Variants in SZT2 observed in about 807,000 individuals in gnomAD.
The protein encoded by SZT2 is KICSTOR complex protein SZT2.
Under a neutral mutation model 404.2 loss-of-function variants are expected in SZT2, and 216 were observed. That is an observed-to-expected ratio of 0.53 (90% CI 0.48 to 0.60). SZT2 has a LOEUF of 0.60. Ranked by LOEUF, SZT2 falls within the 20% of genes least tolerant of loss-of-function variation. SZT2 has a pLI of 0.00. For synonymous variants in SZT2, 1,693 were observed against 1,749.9 expected (o/e 0.97, Z 0.81); for missense variants, 3,857 against 4,459.2 (o/e 0.86, Z 3.85).
chr1:43,431,269 A>T lies in SZT2; in HGVS notation c.4921A>T (p.Thr1641Ser), dbSNP rs528738374. 1 of 1,609,244 alleles carries T rather than the reference A, an allele frequency of 6.2e-7. No homozygotes were observed. Among genetic ancestry groups the T allele is most frequent in the Non-Finnish European group, 8.5e-7 (1 of 1,177,444 alleles). The stretch of plus-strand genomic sequence containing the variant: ...ACTTGTTCCCACCCTGTTCAGGTCA[A>T]CATCTGAAAGCAGTGCTTCATTTCC... ...TASDPQHHRS[T>S]SESSASFPRS... is the part of the protein sequence containing the mutation. The change falls in exon 34 of 72, where the codon ACA (threonine) becomes TCA (serine). Residue 1641 changes from threonine (T) to serine (S), a missense_variant. Physicochemically the swap from Thr to Ser is moderately conservative, Grantham distance 58. Transcript: ENST00000634258.
chr1:43,452,641 C>G lies in SZT2; in HGVS notation c.*2161C>G. On this transcript the variant is annotated 3_prime_UTR_variant, in exon 72 of 72. Coordinates refer to ENST00000634258, the MANE Select transcript of SZT2 (RefSeq NM_001365999.1). The stretch of plus-strand genomic sequence containing the variant: ...AAAATTGTCCTGACCTTTGCTTGCC[C>G]TTCTCAGGTATTCCATGCTGCTGTC... The G allele has an allele frequency of 1.7e-6, 1 of 597,936 alleles. No individual in the cohort carries two copies. The highest frequency in any genetic ancestry group is 3.0e-6 in the Non-Finnish European group (1 of 335,398). The allele number at this position is 597,936 out of a possible 1,614,324, so 37.0% of individuals were successfully genotyped here.
intron 1 of SZT2, among the ~76,000 whole-genome samples, chr1:43,399,465 A>AATT (rs1649403371): frequency 7.0e-6 from 1 of 143,874 alleles, no homozygotes; most frequent in East Asian, 2.0e-4. Flanking sequence ...AGCCAGAGGG[A>AATT]ATTTTTTTTT....
rs538009625 is a variant in SZT2 at position 43,445,838 on chromosome 1, C to T, written c.8826-56C>T. 2.3e-4 allele frequency: 349 copies of T among 1,530,706 alleles called. 4 individuals are homozygous for T. The South Asian group carries it at 3.4e-3, about 15-fold the overall frequency. 94.8% of individuals were successfully genotyped at this position (1,530,706 alleles called of 1,614,324 possible). ...TAAAACAGATTCTGGGTCTGATCAC[C>T]ATGACTGCATGCCACTAGCCTGCCT... On this transcript the variant is annotated intron_variant, in intron 62 of 71. Transcript: ENST00000634258.
rs1570618806 is a variant in SZT2, at chr1:43,419,872, G to A, written c.1018G>A (p.Val340Ile). 6.3e-7 allele frequency: 1 copy of A among 1,598,466 alleles called. No individual in the cohort carries two copies. The highest frequency in any genetic ancestry group is 1.7e-5 in the Admixed American group (1 of 60,014). Residue 340 changes from valine (V) to isoleucine (I), a missense_variant, in exon 8 of 72, where the codon GTC becomes ATC. This residue lies in a region of SZT2 where 536 missense variants were observed against 637.4 expected (regional missense o/e 0.84). Coordinates refer to ENST00000634258, the MANE Select transcript of SZT2 (RefSeq NM_001365999.1). ...GGAGCCAGGCAACCTGGGTCTGACTGTCTACCACCGGGCATTTCTCCTCTA... is the reference window on the plus strand; with the variant it reads ...GGAGCCAGGCAACCTGGGTCTGACTATCTACCACCGGGCATTTCTCCTCTA... ...EPEPGNLGLT[V>I]YHRAFLLYSF... is the part of the protein sequence containing the mutation.
rs1176539518 is a variant in SZT2 at position 43,452,159 on chromosome 1, C to T, written c.*1679C>T. 1.3e-6 allele frequency: 2 copies of T among 1,542,906 alleles called. No homozygotes were observed. Among genetic ancestry groups the T allele is most frequent in the Non-Finnish European group, 8.9e-7 (1 of 1,122,454 alleles). ...CCCACTGTGCACCCCCTTCTCCGCACACCCACAGAGACATGTAAGTACGTG... is the reference window on the plus strand; with the variant it reads ...CCCACTGTGCACCCCCTTCTCCGCATACCCACAGAGACATGTAAGTACGTG... On this transcript the variant is annotated 3_prime_UTR_variant, in exon 72 of 72. Coordinates refer to ENST00000634258, the MANE Select transcript of SZT2 (RefSeq NM_001365999.1).
At position 43,424,858 on chromosome 1, in the gene SZT2, T is replaced by A. The variant is rs373721593; in HGVS notation, c.2546T>A (p.Ile849Asn). Residue 849 changes from isoleucine (I) to asparagine (N), a missense_variant, in exon 17 of 72, where the codon ATT (isoleucine) becomes AAT (asparagine). Ile to Asn is a moderately radical substitution (Grantham distance 149). Around this residue, in one of 7 missense-constraint regions of SZT2, gnomAD observed 1,725 missense variants for 1,881.0 expected, o/e 0.92. Transcript: ENST00000634258. This position sits in a 1 kb window ranked among gnomAD's most constrained non-coding sequence, Gnocchi z 4.1. Reference protein sequence around the residue: ...GIINMVLELPIQNEPPGQAAA... With the variant: ...GIINMVLELPNQNEPPGQAAA... ...ATCAACATGGTTCTGGAGCTTCCAA[T>A]TCAGGTACGTGCCATCCCCCATGAC... The A allele has an allele frequency of 1.2e-6, 2 of 1,613,836 alleles. No homozygotes were observed. Among genetic ancestry groups the A allele is most frequent in the Non-Finnish European group, 1.7e-6 (2 of 1,179,868 alleles).
chr1:43,425,261 C>A lies in SZT2; in HGVS notation c.2645+54C>A, dbSNP rs79180428. Reference sequence around the variant, plus strand: ...TCTGCAGAGTCAGCCTTCTCCCCACCATCCCCTAGAGGTCTGGCTCCCATA... The same window carrying A: ...TCTGCAGAGTCAGCCTTCTCCCCACAATCCCCTAGAGGTCTGGCTCCCATA... On this transcript the variant is annotated intron_variant, in intron 18 of 71. Coordinates refer to ENST00000634258, the MANE Select transcript of SZT2 (RefSeq NM_001365999.1). This position sits in a 1 kb window ranked among gnomAD's most constrained non-coding sequence, Gnocchi z 4.3. The A allele has an allele frequency of 4.6e-3, 7,372 of 1,600,694 alleles. 310 individuals are homozygous for A. In the African/African-American group the frequency reaches 0.087, roughly 19 times the overall value.
chr1:43,422,807 G>A lies in SZT2; in HGVS notation c.1961G>A (p.Arg654His), dbSNP rs773445213. 2.2e-5 allele frequency: 35 copies of A among 1,593,252 alleles called. No individual in the cohort carries two copies. The highest frequency in any genetic ancestry group is 1.6e-4 in the Middle Eastern group (1 of 6,076). Residue 654 changes from arginine to histidine, a missense_variant, in exon 14 of 72, where the codon CGT (arginine) becomes CAT (histidine). Transcript: ENST00000634258. ...DQPPNSFYMV[R>H]IISKAPCMVL... ...CCCCCCAATTCCTTCTACATGGTCCGTATCATTTCCAAGGCCCCATGCATG... is the reference window on the plus strand; with the variant it reads ...CCCCCCAATTCCTTCTACATGGTCCATATCATTTCCAAGGCCCCATGCATG...
chr1:43,394,589 A>G (rs1328468571), intron 1 of SZT2, among the ~76,000 whole-genome samples: 1 of 152,224 alleles, frequency 6.6e-6, no homozygotes, highest in African/African-American at 2.4e-5. Context: ...TTGAAAATAT[A>G]GTTGTTGGGC....
intron 4 of SZT2, chr1:43,405,534 C>T (rs1340670752): frequency 6.6e-6 from 1 of 152,240 alleles, no homozygotes; most frequent in East Asian, 1.9e-4. Context: ...TAAAGGCTTT[C>T]CCTGAAACTG....
At position 43,434,431 on chromosome 1, in the gene SZT2, C is replaced by T. The variant is rs753877049; in HGVS notation, c.5850C>T (p.His1950=). 1.3e-6 allele frequency: 2 copies of T among 1,599,308 alleles called. No homozygotes were observed. The highest frequency in any genetic ancestry group is 1.8e-5 in the Admixed American group (1 of 57,026). Residue 1950 remains histidine, a synonymous_variant, in exon 41 of 72, where the codon CAC becomes CAT. Coordinates refer to ENST00000634258, the MANE Select transcript of SZT2 (RefSeq NM_001365999.1). Reference sequence around the variant, plus strand: ...GGGGGCCGGGCACTGAGTGTCGCCACCTGCAGCAGCTCCTGGTGAGGCGAG... The same window carrying T: ...GGGGGCCGGGCACTGAGTGTCGCCATCTGCAGCAGCTCCTGGTGAGGCGAG... ...EDGGPGTECR[H]LQQLLVRRVG... is the part of the protein sequence containing the mutation.
chr1:43,426,345 T>C lies in SZT2; in HGVS notation c.3044-23T>C. 6.5e-7 allele frequency: 1 copy of C among 1,527,254 alleles called. No individual in the cohort carries two copies. The highest frequency in any genetic ancestry group is 8.8e-7 in the Non-Finnish European group (1 of 1,138,222). The allele number at this position is 1,527,254 out of a possible 1,614,324, so 94.6% of individuals were successfully genotyped here. Reference sequence around the variant, plus strand: ...CCGGGCAGCAGGAGGCTCTTGGTGCTGAGCAGAGTGTGTGTCGGGCAGAGC... The same window carrying C: ...CCGGGCAGCAGGAGGCTCTTGGTGCCGAGCAGAGTGTGTGTCGGGCAGAGC... On this transcript the variant is annotated intron_variant, in intron 21 of 71. Transcript: ENST00000634258. This position sits in a 1 kb window ranked among gnomAD's most constrained non-coding sequence, Gnocchi z 4.9.
In SZT2 at chr1:43,451,674, T is replaced by C. The variant is rs751184895; in HGVS notation, c.*1194T>C. 9.9e-6 allele frequency: 16 copies of C among 1,614,026 alleles called. No homozygotes were observed. Among genetic ancestry groups the C allele is most frequent in the African/African-American group, 1.3e-5 (1 of 74,918 alleles). On this transcript the variant is annotated 3_prime_UTR_variant, in exon 72 of 72. Coordinates refer to ENST00000634258, the MANE Select transcript of SZT2 (RefSeq NM_001365999.1). The stretch of plus-strand genomic sequence containing the variant: ...AACAATGGGCAGGAACTCCCGGATG[T>C]TTCCTGTCAGGTTCCCATCCATGAT...
In SZT2 at chr1:43,453,899, G is replaced by A; in HGVS notation, c.*3419G>A. On this transcript the variant is annotated 3_prime_UTR_variant, in exon 72 of 72. Coordinates refer to ENST00000634258, the MANE Select transcript of SZT2 (RefSeq NM_001365999.1). ...GGCTCTCCTTGCTGGCCCTGCGAACGAACGAGCACTGTTCGTGGTTAGAAA... is the reference window on the plus strand; with the variant it reads ...GGCTCTCCTTGCTGGCCCTGCGAACAAACGAGCACTGTTCGTGGTTAGAAA... The A allele has an allele frequency of 2.5e-6, 3 of 1,216,630 alleles. No individual in the cohort carries two copies. Among genetic ancestry groups the A allele is most frequent in the Non-Finnish European group, 3.1e-6 (3 of 979,170 alleles). 75.4% of individuals were successfully genotyped at this position (1,216,630 alleles called of 1,614,324 possible). A position where few individuals can be genotyped will look rare whatever the true frequency, so the allele number is the denominator to read the frequency against.
rs1313306056 is a variant in SZT2 at position 43,450,704 on chromosome 1, G to A, written c.*224G>A. The A allele has an allele frequency of 3.0e-5, 22 of 732,340 alleles. No homozygotes were observed. Among genetic ancestry groups the A allele is most frequent in the East Asian group, 2.5e-4 (10 of 39,678 alleles). 45.4% of individuals were successfully genotyped at this position (732,340 alleles called of 1,614,324 possible). A position where few individuals can be genotyped will look rare whatever the true frequency, so the allele number is the denominator to read the frequency against. On this transcript the variant is annotated 3_prime_UTR_variant, in exon 72 of 72. Transcript: ENST00000634258. This position sits in a 1 kb window ranked among gnomAD's most constrained non-coding sequence, Gnocchi z 4.3. The stretch of plus-strand genomic sequence containing the variant: ...AGCCACTGACCCATCCAGGACTCCA[G>A]AGAGTCAGGTCAACCCCGAGGACCC...
intron 4 of SZT2, among the ~76,000 whole-genome samples, chr1:43,414,423 T>C (rs186596778): frequency 6.6e-6 from 1 of 152,192 alleles, no homozygotes; most frequent in African/African-American, 2.4e-5. Flanking sequence ...ACAAAAATTT[T>C]TAAAAAAAAA....
At position 43,427,644 on chromosome 1, in the gene SZT2, C is replaced by T. The variant is rs762675785; in HGVS notation, c.3713C>T (p.Pro1238Leu). The T allele has an allele frequency of 6.2e-6, 10 of 1,614,222 alleles. No homozygotes were observed. In the Admixed American group the frequency reaches 1.7e-4, roughly 27 times the overall value. Residue 1238 changes from proline to leucine, a missense_variant, in exon 26 of 72, where the codon CCT (proline) becomes CTT (leucine). Pro to Leu is a moderately conservative substitution (Grantham distance 98, BLOSUM62 -3). This residue lies in a region of SZT2 where 1,725 missense variants were observed against 1,881.0 expected (regional missense o/e 0.92). Coordinates refer to ENST00000634258, the MANE Select transcript of SZT2 (RefSeq NM_001365999.1). Reference sequence around the variant, plus strand: ...GCGGATGGGCCCCGGACCCGGTGTCCTGTCTACATCTACAGCTGTTCACTG... The same window carrying T: ...GCGGATGGGCCCCGGACCCGGTGTCTTGTCTACATCTACAGCTGTTCACTG... ...ESADGPRTRC[P>L]VYIYSCSLEA...
In SZT2 at chr1:43,390,474, A is replaced by G. The variant is rs773844326; in HGVS notation, c.27+479A>G. Among the ~76,000 whole-genome samples, 103 of 152,334 alleles carry G rather than the reference A, an allele frequency of 6.8e-4. 1 individual carries two copies. The highest frequency in any genetic ancestry group is 2.6e-4 in the Admixed American group (4 of 15,312). On this transcript the variant is annotated intron_variant, in intron 1 of 71. Coordinates refer to ENST00000634258, the MANE Select transcript of SZT2 (RefSeq NM_001365999.1). ...TTGAGTCGGACTGAGACCTCGTTCC[A>G]ATATTGGCGCTGTCATGTAGCTAAT...
At position 43,430,690 on chromosome 1, in the gene SZT2, C is replaced by T. The variant is rs780717630; in HGVS notation, c.4675C>T (p.Leu1559Phe). The change falls in exon 32 of 72, where the codon CTT (leucine) becomes TTT (phenylalanine). Residue 1559 changes from leucine to phenylalanine, a missense_variant. Physicochemically the swap from Leu to Phe is conservative, Grantham distance 22. Around this residue, in one of 7 missense-constraint regions of SZT2, gnomAD observed 1,725 missense variants for 1,881.0 expected, o/e 0.92. Transcript: ENST00000634258. Reference sequence around the variant, plus strand: ...CTCACCCACTGGGCCTGAGAGCTTCCTTCATGACCTGCCACCGCTCTTCCT... The same window carrying T: ...CTCACCCACTGGGCCTGAGAGCTTCTTTCATGACCTGCCACCGCTCTTCCT... ...GDSPTGPESF[L>F]HDLPPLFLHL... is the part of the protein sequence containing the mutation. The T allele has an allele frequency of 5.6e-6, 9 of 1,614,014 alleles. No individual in the cohort carries two copies. The highest frequency in any genetic ancestry group is 7.6e-6 in the Non-Finnish European group (9 of 1,180,022).
Sources: allele counts gnomAD v4.1 joint callset (sites outside exome capture counted in the v4.1 genomes callset), GRCh38; gene constraint gnomAD v4.1.1; regional missense constraint gnomAD v4.1.1; non-coding constraint Gnocchi (gnomAD v3.1); transcripts MANE v1.5; gene names NCBI Gene and HGNC (gene_info 2026-07-23, HGNC 2026-07-21).